JPH3: variants seen among roughly 807,000 people sequenced by gnomAD.
JPH3 encodes junctophilin-3.
In JPH3, 11 loss-of-function variants were observed where a neutral mutation model predicts 59.6. That is an observed-to-expected ratio of 0.18 (90% CI 0.12 to 0.31). The LOEUF (loss-of-function observed/expected upper bound fraction) is 0.31. Among genes scored for constraint, JPH3 ranks in the 10% least tolerant of loss-of-function variants. JPH3 has a pLI of 1.00. For synonymous variants in JPH3, 673 were observed against 483.6 expected (o/e 1.39, Z -5.14); for missense variants, 1,202 against 1,105.7 (o/e 1.09, Z -1.24).
intron 2 of JPH3, among the ~76,000 whole-genome samples, chr16:87,652,758 C>T (rs531858133): frequency 2.0e-5 from 3 of 152,240 alleles, no homozygotes; most frequent in African/African-American, 7.2e-5. Flanking sequence ...GTCAGCAGGA[C>T]TGTGGTGGCA....
chr16:87,648,860 A>G (rs867337210), intron 2 of JPH3, among the ~76,000 whole-genome samples: 2 of 151,998 alleles, frequency 1.3e-5, no homozygotes, highest in African/African-American at 4.8e-5. Context: ...TTGTCTCATC[A>G]TGTCTAGGTG....
intron 1 of JPH3, among the ~76,000 whole-genome samples, chr16:87,616,239 T>TGTA (rs1491549852): frequency 2.8e-5 from 3 of 105,972 alleles, no homozygotes; most frequent in Admixed American, 8.5e-5. Context: ...TGTGTGTGTA[T>TGTA]TTTTTTTTTT....
chr16:87,656,179 C>G (rs893575340), intron 2 of JPH3, among the ~76,000 whole-genome samples: 1 of 151,826 alleles, frequency 6.6e-6, no homozygotes. Context: ...TCAGAGCACA[C>G]TCTGTGTTGC....
At chr16:87,648,326 C>A (rs550641390) in intron 2 of JPH3, among the ~76,000 whole-genome samples, 1 of 152,332 alleles carries the variant, frequency 6.6e-6, no homozygotes, top group East Asian at 1.9e-4. Context: ...GCGCCCACAG[C>A]CCCAGGGCCA....
At chr16:87,645,986 C>G (rs559730026) in intron 2 of JPH3, among the ~76,000 whole-genome samples, 1 of 152,350 alleles carries the variant, frequency 6.6e-6, no homozygotes, top group South Asian at 2.1e-4. Flanking sequence ...CATTTGCTTT[C>G]CTGGGCCAGA....
chr16:87,640,803 A>G lies in JPH3; in HGVS notation c.383-3455A>G, dbSNP rs1163881355. Among the ~76,000 whole-genome samples, 4 of 152,196 alleles carry G rather than the reference A, an allele frequency of 2.6e-5. No individual in the cohort carries two copies. In the East Asian group the frequency reaches 7.7e-4, roughly 29 times the overall value. ...CCAGGCGTCCTGTGTTTGATGTGAC[A>G]ACCCTGTCCACAGCCCTGGCACGGA... On this transcript the variant is annotated intron_variant, in intron 1 of 4. Transcript: ENST00000284262.
At position 87,690,363 on chromosome 16, in the gene JPH3, C is replaced by G. The variant is rs200986386; in HGVS notation, c.2003C>G (p.Ala668Gly). The G allele has an allele frequency of 2.9e-4, 447 of 1,552,460 alleles. 1 individual carries two copies. The highest frequency in any genetic ancestry group is 3.5e-4 in the Non-Finnish European group (399 of 1,152,038). The change falls in exon 4 of 5, where the codon GCC becomes GGC. Residue 668 changes from alanine (A) to glycine (G), a missense_variant. Physicochemically the swap from Ala to Gly is moderately conservative, Grantham distance 60. Coordinates refer to ENST00000284262, the MANE Select transcript of JPH3 (RefSeq NM_020655.4). ...CAGAACAAGGAGAACTTCAGGCCGG[C>G]CTCCTCCGCGGAGCCCGCCGTGCAG... is the stretch of plus-strand genomic sequence containing the variant. ...KAQNKENFRP[A>G]SSAEPAVQKL... is the part of the protein sequence containing the mutation.
At chr16:87,655,303 G>T (rs1407832745) in intron 2 of JPH3, among the ~76,000 whole-genome samples, 1 of 152,250 alleles carries the variant, frequency 6.6e-6, no homozygotes, top group Non-Finnish European at 1.5e-5. Flanking sequence ...TCACTTTGCT[G>T]AGCCTCTGTC....
chr16:87,685,368 C>A (rs1268580660), intron 3 of JPH3, among the ~76,000 whole-genome samples: 3 of 152,248 alleles, frequency 2.0e-5, no homozygotes, highest in Non-Finnish European at 4.4e-5. Flanking sequence ...GACACACGCA[C>A]CCCAAAGTGT....
At chr16:87,679,980 G>A (rs1033614038) in intron 2 of JPH3, among the ~76,000 whole-genome samples, 7 of 152,218 alleles carry the variant, frequency 4.6e-5, no homozygotes, top group Admixed American at 1.3e-4. Context: ...GCCTGTTGGG[G>A]GGCCTGTGGA....
intron 1 of JPH3, among the ~76,000 whole-genome samples, chr16:87,643,699 C>A (rs955037487): frequency 6.6e-6 from 1 of 152,206 alleles, no homozygotes; most frequent in African/African-American, 2.4e-5. Flanking sequence ...CTGATGCCTC[C>A]CTTCTCCCTC....
intron 1 of JPH3, among the ~76,000 whole-genome samples, chr16:87,616,276 C>T (rs2030966222): frequency 1.3e-5 from 2 of 148,676 alleles, no homozygotes; most frequent in African/African-American, 5.0e-5. Flanking sequence ...TTCTATTGCC[C>T]AGGCGGGAGA....
intron 1 of JPH3, among the ~76,000 whole-genome samples, chr16:87,639,666 T>G (rs113376987): frequency 0.022 from 1,580 of 71,696 alleles, 20 homozygotes; most frequent in South Asian, 0.099. Context: ...CTGTCCTCCC[T>G]CCTGTCCTCC....
At chr16:87,645,160 T>G (rs2032104181) in intron 2 of JPH3, 125 bp downstream of exon 2, 2 of 978,388 alleles carry the variant, frequency 2.0e-6, no homozygotes, top group Admixed American at 2.9e-5. Flanking sequence ...ACACTGGTGT[T>G]TCTCAAACTA....
intron 4 of JPH3, chr16:87,695,167 G>T: frequency 2.7e-6 from 1 of 373,332 alleles, no homozygotes; most frequent in South Asian, 2.0e-5. Flanking sequence ...TGGGGGGAAG[G>T]GGGAGGCCCG....
chr16:87,610,438 C>G (rs1451692610), intron 1 of JPH3, among the ~76,000 whole-genome samples: 1 of 152,210 alleles, frequency 6.6e-6, no homozygotes, highest in Non-Finnish European at 1.5e-5. Flanking sequence ...TGTGTCCATG[C>G]TGGTCACTGC....
At chr16:87,681,149 C>G (rs367771183) in intron 2 of JPH3, among the ~76,000 whole-genome samples, 1 of 150,842 alleles carries the variant, frequency 6.6e-6, no homozygotes, top group Non-Finnish European at 1.5e-5. Context: ...GATGACAGTT[C>G]CGGAAGGTCA....
intron 2 of JPH3, among the ~76,000 whole-genome samples, chr16:87,657,247 G>T (rs4843660): frequency 0.24 from 35,946 of 152,182 alleles, 4,646 homozygotes; most frequent in East Asian, 0.37. Context: ...GTATCTTAAG[G>T]TCTGACACCT....
chr16:87,692,289 C>T (rs1046221123), intron 4 of JPH3, among the ~76,000 whole-genome samples: 1 of 151,502 alleles, frequency 6.6e-6, no homozygotes, highest in Admixed American at 6.6e-5. Context: ...TGTAGAGGCG[C>T]GGTCAATCCT....
Sources: gnomAD v4.1 joint callset for allele counts (sites outside exome capture counted in the v4.1 genomes callset) on GRCh38, gnomAD v4.1.1 for gene constraint, MANE v1.5 for transcripts, NCBI Gene and HGNC (gene_info 2026-07-23, HGNC 2026-07-21) for gene names.